Variants in STPG2 observed in about 807,000 individuals in gnomAD.
STPG2 encodes sperm tail PG-rich repeat containing 2.
Under a neutral mutation model 54.2 loss-of-function variants are expected in STPG2, and 56 were observed. The observed-to-expected ratio is 1.03, with a 90% CI of 0.83 to 1.29. The LOEUF (loss-of-function observed/expected upper bound fraction) is 1.29. STPG2 is among the 50% of genes most tolerant of loss of function. The probability of loss-of-function intolerance (pLI) is 0.00; values close to 1 mark genes in which losing one functional copy is unlikely to be tolerated. For synonymous variants in STPG2, 200 were observed against 181.8 expected (o/e 1.10, Z -0.81); for missense variants, 596 against 544.9 (o/e 1.09, Z -0.93).
intron 3 of STPG2, among the ~76,000 whole-genome samples, chr4:98,112,387 C>G (rs2110147350): frequency 6.6e-6 from 1 of 152,174 alleles, no homozygotes; most frequent in African/African-American, 2.4e-5. Context: ...TTAGGTGTGT[C>G]ATAGACTATA....
chr4:97,906,055 CA>C (rs1731403691), intron 8 of STPG2, among the ~76,000 whole-genome samples: 1 of 151,840 alleles, frequency 6.6e-6, no homozygotes, highest in Admixed American at 6.6e-5. Flanking sequence ...AAAAACCCTT[CA>C]AAAAAGTAAT....
chr4:97,879,866 A>G (rs1324745802), intron 8 of STPG2, among the ~76,000 whole-genome samples: 1 of 152,236 alleles, frequency 6.6e-6, no homozygotes, highest in Non-Finnish European at 1.5e-5. Context: ...AAATTAGTAC[A>G]GCCATTATGA....
chr4:97,941,183 T>G (rs541255527), intron 8 of STPG2, among the ~76,000 whole-genome samples: 1 of 152,196 alleles, frequency 6.6e-6, no homozygotes, highest in African/African-American at 2.4e-5. Context: ...TGACATAAGT[T>G]ATATTTCTCA....
At chr4:97,512,210 A>C (rs1207213582) in intron 4 of STPG2, among the ~76,000 whole-genome samples, 1 of 152,058 alleles carries the variant, frequency 6.6e-6, no homozygotes, top group Non-Finnish European at 1.5e-5. Context: ...CTAGGTGAAA[A>C]ATAAGGAGAT....
chr4:97,645,027 T>A (rs1209004911), intron 10 of STPG2, among the ~76,000 whole-genome samples: 1 of 152,072 alleles, frequency 6.6e-6, no homozygotes, highest in Non-Finnish European at 1.5e-5. Context: ...GAAGCTGAGA[T>A]GTGCTTTTTC....
At chr4:97,888,073 G>C (rs1730643496) in intron 8 of STPG2, among the ~76,000 whole-genome samples, 1 of 152,232 alleles carries the variant, frequency 6.6e-6, no homozygotes, top group African/African-American at 2.4e-5. Context: ...CTAGATTTCA[G>C]AGAATATATG....
At chr4:97,753,990 T>C (rs1725657732) in intron 9 of STPG2, among the ~76,000 whole-genome samples, 1 of 152,080 alleles carries the variant, frequency 6.6e-6, no homozygotes, top group African/African-American at 2.4e-5. Context: ...AGGTCATTTA[T>C]CAATTTTTTC....
chr4:97,666,242 C>G (rs1000456641), intron 10 of STPG2, among the ~76,000 whole-genome samples: 1 of 152,168 alleles, frequency 6.6e-6, no homozygotes, highest in Admixed American at 6.5e-5. Flanking sequence ...CTCCATGAAC[C>G]ATGCAGCCCC....
chr4:97,963,202 T>A (rs1733957713), intron 7 of STPG2, among the ~76,000 whole-genome samples: 1 of 151,300 alleles, frequency 6.6e-6, no homozygotes, highest in Non-Finnish European at 1.5e-5. Context: ...CAATAATTAT[T>A]TTTATCTAAA....
chr4:97,566,033 C>T (rs1405140610), intron 10 of STPG2, among the ~76,000 whole-genome samples: 1 of 152,168 alleles, frequency 6.6e-6, no homozygotes, highest in African/African-American at 2.4e-5. Context: ...TGCCCTGACC[C>T]CAGAGGTGGA....
At chr4:97,738,945 T>C (rs1236582109) in intron 9 of STPG2, among the ~76,000 whole-genome samples, 2 of 152,036 alleles carry the variant, frequency 1.3e-5, no homozygotes, top group African/African-American at 4.8e-5. Context: ...TATTCCAAAA[T>C]TGACCAAATA....
chr4:98,112,806 G>A (rs1739401771), intron 3 of STPG2, among the ~76,000 whole-genome samples: 1 of 151,982 alleles, frequency 6.6e-6, no homozygotes. Flanking sequence ...GGTGAACAAA[G>A]CAAAACAACC....
rs1226328441 is a variant in STPG2, at chr4:98,025,428, G to T, written c.613-44110C>A. ...GTTAAGAATAAGGCCTGCTTTAAGA[G>T]ATACCAAGTGAAATTTAGAAGACGA... On this transcript the variant is annotated intron_variant, in intron 5 of 10. Coordinates refer to ENST00000295268, the MANE Select transcript of STPG2 (RefSeq NM_174952.3). 5.9e-5 allele frequency: 26 copies of T among 440,862 alleles called. No individual in the cohort carries two copies. The East Asian group carries it at 1.4e-3, about 24-fold the overall frequency. The allele number at this position is 440,862 out of a possible 1,614,324, so 27.3% of individuals were successfully genotyped here. A position where few individuals can be genotyped will look rare whatever the true frequency, so the allele number is the denominator to read the frequency against.
intron 9 of STPG2, among the ~76,000 whole-genome samples, chr4:97,759,682 T>G (rs1725833946): frequency 6.6e-6 from 1 of 152,072 alleles, no homozygotes. Context: ...AAAAATTAGG[T>G]ACTCATAGGA....
chr4:97,782,277 A>T (rs995560944), intron 9 of STPG2, among the ~76,000 whole-genome samples: 3 of 152,228 alleles, frequency 2.0e-5, no homozygotes, highest in African/African-American at 7.2e-5. Flanking sequence ...AAGCATTCTT[A>T]TACACCAATA....
intron 8 of STPG2, among the ~76,000 whole-genome samples, chr4:97,899,051 A>C (rs1731068208): frequency 6.6e-6 from 1 of 151,846 alleles, no homozygotes; most frequent in Admixed American, 6.6e-5. Context: ...TGCAAATTAC[A>C]TGATTCTGGA....
intron 10 of STPG2, among the ~76,000 whole-genome samples, chr4:97,570,559 A>T (rs1305259723): frequency 6.6e-6 from 1 of 151,272 alleles, no homozygotes. Context: ...CAAAAACAAA[A>T]GTTTTTTTTT....
chr4:97,966,214 G>T (rs1734091729), intron 7 of STPG2, among the ~76,000 whole-genome samples: 1 of 152,114 alleles, frequency 6.6e-6, no homozygotes, highest in Non-Finnish European at 1.5e-5. Context: ...GAAAACCATG[G>T]CACAAGAACT....
intron 5 of STPG2, among the ~76,000 whole-genome samples, chr4:98,033,541 C>A (rs1419079480): frequency 6.6e-6 from 1 of 152,124 alleles, no homozygotes; most frequent in East Asian, 1.9e-4. Flanking sequence ...AGAGCTGGTA[C>A]CATTCCTTCT....
Sources: gnomAD v4.1 joint callset for allele counts (sites outside exome capture counted in the v4.1 genomes callset) on GRCh38, gnomAD v4.1.1 for gene constraint, MANE v1.5 for transcripts, NCBI Gene and HGNC (gene_info 2026-07-23, HGNC 2026-07-21) for gene names.